TTLL11: variants seen among roughly 807,000 people sequenced by gnomAD.
TTLL11 encodes tubulin polyglutamylase TTLL11.
Under a neutral mutation model 51.7 loss-of-function variants are expected in TTLL11, and 42 were observed. The ratio of observed to expected loss-of-function variants is 0.81; its 90% CI spans 0.64 to 1.05. The LOEUF is 1.05. TTLL11 is among the 50% of genes least tolerant of loss of function. TTLL11 has a pLI of 0.00. For missense variants in TTLL11, 799 were observed against 940.4 expected (o/e 0.85, Z 1.97); for synonymous variants, 381 against 383.5 (o/e 0.99, Z 0.08).
At chr9:122,047,518 A>G (rs774357747) in intron 1 of TTLL11, among the ~76,000 whole-genome samples, 5 of 149,968 alleles carry the variant, frequency 3.3e-5, no homozygotes, top group South Asian at 4.3e-4. Flanking sequence ...GCATGCCCCC[A>G]CCCCCTCTCC....
intron 4 of TTLL11, among the ~76,000 whole-genome samples, chr9:121,977,744 G>T (rs10818614): frequency 6.7e-6 from 1 of 150,250 alleles, no homozygotes; most frequent in South Asian, 2.1e-4. Flanking sequence ...GCACCATCTC[G>T]GCTCACTGCA....
intron 8 of TTLL11, among the ~76,000 whole-genome samples, chr9:121,850,491 C>A (rs538701369): frequency 2.0e-5 from 3 of 151,912 alleles, no homozygotes; most frequent in African/African-American, 7.3e-5. Context: ...GGAGTTCTGA[C>A]GTCCAAAGAC....
intron 6 of TTLL11, among the ~76,000 whole-genome samples, chr9:121,917,992 T>C (rs373551599): frequency 6.6e-6 from 1 of 151,878 alleles, no homozygotes; most frequent in East Asian, 1.9e-4. Flanking sequence ...GAGGCCAGTG[T>C]TTTTAAGCAC....
rs140604726 is a variant in TTLL11 at position 122,014,959 on chromosome 9, G to A, written c.693+16764C>T. ...TGGCACTTAGCAGGCCTCGGGAAAC[G>A]ATTGCACTAAACCACATAAGAATAT... On this transcript the variant is annotated intron_variant, in intron 3 of 8. Transcript: ENST00000321582. Among the ~76,000 whole-genome samples, 375 of 152,286 alleles carry A rather than the reference G, an allele frequency of 2.5e-3. 2 individuals carry two copies. Among genetic ancestry groups the A allele is most frequent in the Non-Finnish European group, 4.2e-3 (284 of 68,026 alleles).
At chr9:122,061,801 C>A (rs916725025) in intron 1 of TTLL11, among the ~76,000 whole-genome samples, 2 of 152,088 alleles carry the variant, frequency 1.3e-5, no homozygotes, top group Non-Finnish European at 2.9e-5. Flanking sequence ...CCACGCCCTG[C>A]TAATTTTTGT....
At chr9:121,852,654 G>C (rs1396061527) in intron 8 of TTLL11, among the ~76,000 whole-genome samples, 4 of 152,176 alleles carry the variant, frequency 2.6e-5, no homozygotes, top group African/African-American at 9.7e-5. Flanking sequence ...AAGGGGCAGC[G>C]GGTGTGACTC....
chr9:122,038,571 C>T (rs557874056), intron 2 of TTLL11, among the ~76,000 whole-genome samples: 1 of 152,150 alleles, frequency 6.6e-6, no homozygotes, highest in African/African-American at 2.4e-5. Context: ...ATTGCTTGAA[C>T]CTGGGAGGCA....
chr9:121,941,139 T>C (rs1841446633), intron 6 of TTLL11, among the ~76,000 whole-genome samples: 1 of 152,250 alleles, frequency 6.6e-6, no homozygotes, highest in African/African-American at 2.4e-5. Flanking sequence ...GACCTCAGGA[T>C]TGCTAGATAT....
At position 121,995,978 on chromosome 9, in the gene TTLL11, G is replaced by A. The variant is rs773216524; in HGVS notation, c.694-6208C>T. 6.6e-6 allele frequency among the ~76,000 whole-genome samples: 1 copy of A among 152,210 alleles called. No homozygotes were observed. Among genetic ancestry groups the A allele is most frequent in the Non-Finnish European group, 1.5e-5 (1 of 68,046 alleles). On this transcript the variant is annotated intron_variant, in intron 3 of 8. Transcript: ENST00000321582. This position sits in a 1 kb window ranked among gnomAD's most constrained non-coding sequence, Gnocchi z 4.4. ...GCCACTGTGCAGGCAAACATTTTCA[G>A]CACTCCCTGGCTTTTGAAGAGTTCC...
In TTLL11 at chr9:122,059,550, G is replaced by A. The variant is rs573634604; in HGVS notation, c.463-20182C>T. 3.3e-5 allele frequency among the ~76,000 whole-genome samples: 5 copies of A among 152,278 alleles called. No homozygotes were observed. The South Asian group carries it at 1.0e-3, about 32-fold the overall frequency. On this transcript the variant is annotated intron_variant, in intron 1 of 8. Transcript: ENST00000321582. ...TGCAGCTCTAGCCCTAGAGAAGCTT[G>A]AAGTTTCTTGGAGGGATACACAGAC...
chr9:122,015,548 AAGC>A lies in TTLL11; in HGVS notation c.693+16172_693+16174del, dbSNP rs146428210. 3.2e-3 allele frequency among the ~76,000 whole-genome samples: 483 copies of A among 152,246 alleles called. 3 individuals are homozygous for A. The highest frequency in any genetic ancestry group is 0.011 in the African/African-American group (466 of 41,546). On this transcript the variant is annotated intron_variant, in intron 3 of 8. Coordinates refer to ENST00000321582, the MANE Select transcript of TTLL11 (RefSeq NM_001139442.2). ...GGCCTCCAGGGATGCCGTGCTTCAGAAGCAGGAGACACTGCATTCTCCATGTTA... is the reference window on the plus strand; with the variant it reads ...GGCCTCCAGGGATGCCGTGCTTCAGAAGGAGACACTGCATTCTCCATGTTA...
At chr9:121,946,537 G>C (rs1198074566) in intron 6 of TTLL11, among the ~76,000 whole-genome samples, 2 of 152,142 alleles carry the variant, frequency 1.3e-5, no homozygotes, top group African/African-American at 4.8e-5. Flanking sequence ...AGACGAAAAA[G>C]TTCTTGTGCA....
chr9:121,998,394 C>T (rs1200722942), intron 3 of TTLL11, among the ~76,000 whole-genome samples: 8 of 152,138 alleles, frequency 5.3e-5, no homozygotes, highest in Non-Finnish European at 1.2e-4. Context: ...TCAAGCGATT[C>T]TCGTGCCTCA....
intron 6 of TTLL11, chr9:121,885,256 C>T (rs183589156): frequency 6.6e-6 from 1 of 152,340 alleles, no homozygotes; most frequent in East Asian, 1.9e-4. Context: ...ACTTCATCAC[C>T]CCAGTGAGCC....
At chr9:121,980,069 G>T (rs1046745946) in intron 4 of TTLL11, among the ~76,000 whole-genome samples, 17 of 151,956 alleles carry the variant, frequency 1.1e-4, no homozygotes, top group African/African-American at 3.6e-4. Context: ...TTATGTTTTA[G>T]ATGGGAGAGA....
chr9:121,916,510 C>T (rs1406792988), intron 6 of TTLL11, among the ~76,000 whole-genome samples: 1 of 142,610 alleles, frequency 7.0e-6, no homozygotes, highest in Non-Finnish European at 1.5e-5. Context: ...ATTTTAAAAA[C>T]AAAGCAATAA....
At chr9:122,054,132 T>A (rs531366008) in intron 1 of TTLL11, among the ~76,000 whole-genome samples, 50 of 152,282 alleles carry the variant, frequency 3.3e-4, no homozygotes, top group African/African-American at 1.1e-3. Flanking sequence ...CACCAAAGCA[T>A]GTTGTATTTT....
intron 3 of TTLL11, among the ~76,000 whole-genome samples, chr9:122,015,960 C>A (rs1227889659): frequency 6.6e-6 from 1 of 152,052 alleles, no homozygotes; most frequent in Non-Finnish European, 1.5e-5. Flanking sequence ...TGGTCACTGC[C>A]TTGTGGAACT....
chr9:121,960,994 A>C (rs1156904723), intron 6 of TTLL11, among the ~76,000 whole-genome samples: 1 of 152,192 alleles, frequency 6.6e-6, no homozygotes, highest in African/African-American at 2.4e-5. Flanking sequence ...TGAAGGAAGA[A>C]ATGGAAATTG....
Sources: allele counts gnomAD v4.1 joint callset (sites outside exome capture counted in the v4.1 genomes callset), GRCh38; gene constraint gnomAD v4.1.1; non-coding constraint Gnocchi (gnomAD v3.1); transcripts MANE v1.5; gene names NCBI Gene and HGNC (gene_info 2026-07-23, HGNC 2026-07-21).